Variants in HDAC9 observed in about 807,000 individuals in gnomAD.
HDAC9 encodes the protein histone deacetylase 9.
Under a neutral mutation model 139.4 loss-of-function variants are expected in HDAC9, and 41 were observed. That is an observed-to-expected ratio of 0.29 (90% CI 0.23 to 0.38). The LOEUF (loss-of-function observed/expected upper bound fraction) is 0.38. Among genes scored for constraint, HDAC9 ranks in the 10% least tolerant of loss-of-function variants. The pLI, the probability that HDAC9 is intolerant of heterozygous loss-of-function variation, is 1.00. For synonymous variants in HDAC9, 517 were observed against 476.2 expected, an observed-to-expected ratio of 1.09 and a Z score of -1.12; for missense variants, 1,147 against 1,297.0, an observed-to-expected ratio of 0.88 and a Z score of 1.78.
At chr7:18,946,811 A>G (rs1274937751) in intron 23 of HDAC9, among the ~76,000 whole-genome samples, 4 of 152,098 alleles carry the variant, frequency 2.6e-5, no homozygotes, top group African/African-American at 4.8e-5. Flanking sequence ...TAAACTTGCT[A>G]TAATTTAAAT....
chr7:18,146,232 G>C (rs971303196), intron 1 of HDAC9, among the ~76,000 whole-genome samples: 8 of 152,034 alleles, frequency 5.3e-5, no homozygotes, highest in Non-Finnish European at 8.8e-5. Context: ...TTACATCACT[G>C]TTTCTTAGGT....
intron 1 of HDAC9, among the ~76,000 whole-genome samples, chr7:18,440,541 A>G (rs995214032): frequency 1.3e-5 from 2 of 152,112 alleles, no homozygotes; most frequent in African/African-American, 2.4e-5. Flanking sequence ...TGATTCCCCC[A>G]TAAGTGAATA....
chr7:18,265,331 ACTATCTGCTATTAG>A (rs1795926817), intron 2 of HDAC9, among the ~76,000 whole-genome samples: 1 of 152,208 alleles, frequency 6.6e-6, no homozygotes, highest in South Asian at 2.1e-4. Flanking sequence ...TGCTGGAAGC[ACTATCTGCTATTAG>A]CTATCTGCTC....
intron 21 of HDAC9, among the ~76,000 whole-genome samples, chr7:18,850,225 C>CACAAAA (rs1797189191): frequency 2.6e-5 from 4 of 152,016 alleles, no homozygotes; most frequent in African/African-American, 9.7e-5. Flanking sequence ...AGAAAAAATA[C>CACAAAA]TTTCCTTGAA....
chr7:18,769,872 C>T (rs1790140053), intron 16 of HDAC9, among the ~76,000 whole-genome samples: 1 of 152,096 alleles, frequency 6.6e-6, no homozygotes, highest in African/African-American at 2.4e-5. Context: ...TGACTTTTGT[C>T]TTAAGGCATG....
chr7:18,912,116 ATCTC>A (rs370799735), intron 22 of HDAC9, among the ~76,000 whole-genome samples: 26 of 151,994 alleles, frequency 1.7e-4, no homozygotes, highest in African/African-American at 6.0e-4. Flanking sequence ...ATATTGGGAT[ATCTC>A]TCTCTCTTTA....
chr7:18,548,949 T>C lies in HDAC9; in HGVS notation c.23-36332T>C, dbSNP rs560116536. On this transcript the variant is annotated intron_variant, in intron 2 of 25. Coordinates refer to ENST00000686413, the MANE Select transcript of HDAC9 (RefSeq NM_178425.4). ...TAGTTTGGCTGATTCTTTAAAGATA[T>C]AAAAAATAGGCCAGGTGTGGTGGCT... Among the ~76,000 whole-genome samples the C allele has an allele frequency of 1.4e-3, 218 of 152,126 alleles. 1 individual carries two copies. The highest frequency in any genetic ancestry group is 4.9e-3 in the African/African-American group (203 of 41,538).
intron 1 of HDAC9, among the ~76,000 whole-genome samples, chr7:18,294,293 C>T (rs1798002595): frequency 1.3e-5 from 2 of 151,962 alleles, no homozygotes; most frequent in African/African-American, 2.4e-5. Context: ...AGCCCATTAC[C>T]CTCTGGTTTT....
At chr7:18,701,689 A>T (rs1783500758) in intron 12 of HDAC9, among the ~76,000 whole-genome samples, 1 of 152,224 alleles carries the variant, frequency 6.6e-6, no homozygotes, top group South Asian at 2.1e-4. Flanking sequence ...TAGTAGATAA[A>T]ATCATCTGTC....
chr7:18,484,671 C>T (rs550521567), intron 1 of HDAC9, among the ~76,000 whole-genome samples: 4 of 152,138 alleles, frequency 2.6e-5, no homozygotes, highest in African/African-American at 9.6e-5. Context: ...TTGAAGTCAA[C>T]ACATAATTAT....
chr7:18,767,467 C>G (rs1468131569), intron 16 of HDAC9, among the ~76,000 whole-genome samples: 1 of 152,150 alleles, frequency 6.6e-6, no homozygotes, highest in African/African-American at 2.4e-5. Context: ...CTTTATATAG[C>G]TGGAGAAAAG....
chr7:18,580,638 G>C (rs1754636553), intron 2 of HDAC9, among the ~76,000 whole-genome samples: 2 of 152,108 alleles, frequency 1.3e-5, no homozygotes, highest in Admixed American at 1.3e-4. Flanking sequence ...GCTGTCATCA[G>C]ATTCCTTCGA....
intron 1 of HDAC9, among the ~76,000 whole-genome samples, chr7:18,110,864 A>G (rs1258063203): frequency 6.6e-6 from 1 of 152,148 alleles, no homozygotes; most frequent in Non-Finnish European, 1.5e-5. Context: ...TATTTAAAAG[A>G]TGAGGAACGG....
intron 1 of HDAC9, among the ~76,000 whole-genome samples, chr7:18,453,931 G>T (rs1271688008): frequency 6.6e-6 from 1 of 152,062 alleles, no homozygotes; most frequent in Non-Finnish European, 1.5e-5. Flanking sequence ...TGGGGAAATT[G>T]TTCCTTTTCA....
At chr7:18,581,788 A>G (rs963441797) in intron 2 of HDAC9, among the ~76,000 whole-genome samples, 3 of 152,220 alleles carry the variant, frequency 2.0e-5, no homozygotes, top group Non-Finnish European at 2.9e-5. Context: ...AAAGTTCTAC[A>G]TTGGGTGCTA....
chr7:18,216,761 C>G (rs1792343928), intron 2 of HDAC9, among the ~76,000 whole-genome samples: 1 of 152,028 alleles, frequency 6.6e-6, no homozygotes, highest in African/African-American at 2.4e-5. Context: ...ATTTTTGCCT[C>G]TATATTTGTG....
At chr7:18,266,888 T>G (rs1432988455) in intron 2 of HDAC9, among the ~76,000 whole-genome samples, 1 of 152,160 alleles carries the variant, frequency 6.6e-6, no homozygotes, top group Non-Finnish European at 1.5e-5. Flanking sequence ...GCTTTATTTA[T>G]ATTTATGATG....
At chr7:18,319,058 G>A (rs1187865242) in intron 1 of HDAC9, among the ~76,000 whole-genome samples, 1 of 152,094 alleles carries the variant, frequency 6.6e-6, no homozygotes, top group African/African-American at 2.4e-5. Context: ...ACAAACAAAC[G>A]TTAAATGTTT....
chr7:18,653,119 TC>T (rs1789901498), intron 11 of HDAC9, among the ~76,000 whole-genome samples: 1 of 151,342 alleles, frequency 6.6e-6, no homozygotes, highest in African/African-American at 2.4e-5. Context: ...ATGCCTGTAA[TC>T]CCAGTTACTC....
Sources: allele counts gnomAD v4.1 joint callset (sites outside exome capture counted in the v4.1 genomes callset), GRCh38; gene constraint gnomAD v4.1.1; transcripts MANE v1.5; gene names NCBI Gene and HGNC (gene_info 2026-07-23, HGNC 2026-07-21).